TRMT61B: variants seen among roughly 807,000 people sequenced by gnomAD.
TRMT61B encodes the protein tRNA (adenine(58)-N(1))-methyltransferase, mitochondrial.
In TRMT61B, 56 loss-of-function variants were observed where a neutral mutation model predicts 52.0. The ratio of observed to expected loss-of-function variants is 1.08; its 90% CI spans 0.87 to 1.35. The LOEUF (loss-of-function observed/expected upper bound fraction) is 1.35. Ranked by LOEUF, TRMT61B falls within the 40% of genes most tolerant of loss-of-function variation. The pLI, the probability that TRMT61B is intolerant of heterozygous loss-of-function variation, is 0.00. For missense variants in TRMT61B, 650 were observed against 577.9 expected, an observed-to-expected ratio of 1.12 and a Z score of -1.28; for synonymous variants, 206 against 220.0, an observed-to-expected ratio of 0.94 and a Z score of 0.56.
chr2:28,850,208 T>A lies in TRMT61B; in HGVS notation c.1425A>T (p.Gln475His). ...FLVKLRKVKP[Q>H]LN ...CTGTCATCTGGAGTACTCAGTTAAG[T>A]TGTGGTTTGACCTTCCTCAACTTGA... Residue 475 changes from glutamine (Q) to histidine (H), a missense_variant, in exon 7 of 7, where the codon CAA becomes CAT. Gln to His is a conservative substitution (Grantham distance 24). Transcript: ENST00000306108. 6.2e-7 allele frequency: 1 copy of A among 1,611,942 alleles called. No individual in the cohort carries two copies. The highest frequency in any genetic ancestry group is 8.5e-7 in the Non-Finnish European group (1 of 1,179,046).
rs143187215 is a variant in TRMT61B, at chr2:28,869,780, T to C, written c.498A>G (p.Thr166=). 6.1e-5 allele frequency: 99 copies of C among 1,614,208 alleles called. 1 individual carries two copies. Among genetic ancestry groups the C allele is most frequent in the Admixed American group, 4.5e-4 (27 of 60,016 alleles). The change falls in exon 1 of 7, where the codon ACA becomes ACG. Residue 166 remains threonine (T), a synonymous_variant. Coordinates refer to ENST00000306108, the MANE Select transcript of TRMT61B (RefSeq NM_017910.4). ...TCAACCTAAATAATTTCTTAAATTT[T>C]GTTTCTCCCTCCCCAGTCTCAGCTA... ...LILAETGEGE[T]KFKKLFRLNN... is the part of the protein sequence containing the mutation.
Position 28,851,171 on chromosome 2 carries a change from A to T in TRMT61B, c.1213T>A (p.Leu405Ile). The T allele has an allele frequency of 6.2e-7, 1 of 1,613,472 alleles. No individual in the cohort carries two copies. The highest frequency in any genetic ancestry group is 8.5e-7 in the Non-Finnish European group (1 of 1,179,808). The change falls in exon 5 of 7, where the codon TTA becomes ATA. Residue 405 changes from leucine (L) to isoleucine (I), a missense_variant. Coordinates refer to ENST00000306108, the MANE Select transcript of TRMT61B (RefSeq NM_017910.4). Reference protein sequence around the residue: ...VCLAKQKNGILAQKVESKINT... With the variant: ...VCLAKQKNGIIAQKVESKINT... ...ATTTTAGATTCTACTTTTTGAGCTA[A>T]AATTCCATTTTTCTGTTTTGCAAGG...
chr2:28,856,337 G>C (rs1226131692), intron 3 of TRMT61B, among the ~76,000 whole-genome samples: 1 of 152,082 alleles, frequency 6.6e-6, no homozygotes, highest in East Asian at 1.9e-4. Flanking sequence ...CATTGACTTA[G>C]GTCAACACCT....
At position 28,865,136 on chromosome 2, in the gene TRMT61B, T is replaced by C; in HGVS notation, c.700-17A>G. On this transcript the variant is annotated splice_polypyrimidine_tract_variant and intron_variant, in intron 1 of 6. Coordinates refer to ENST00000306108, the MANE Select transcript of TRMT61B (RefSeq NM_017910.4). ...ATTAATATCCTATGATTGAAAACAGTATGGGTGACTCAGCGACCAATAAAT... is the reference window on the plus strand; with the variant it reads ...ATTAATATCCTATGATTGAAAACAGCATGGGTGACTCAGCGACCAATAAAT... 2 of 1,435,440 alleles carry C rather than the reference T, an allele frequency of 1.4e-6. No homozygotes were observed. Among genetic ancestry groups the C allele is most frequent in the East Asian group, 2.3e-5 (1 of 43,952 alleles). 88.9% of individuals were successfully genotyped at this position (1,435,440 alleles called of 1,614,324 possible).
At position 28,851,186 on chromosome 2, in the gene TRMT61B, G is replaced by C. The variant is rs762479835; in HGVS notation, c.1198C>G (p.Gln400Glu). ...VRDWLVCLAK[Q>E]KNGILAQKVE... The stretch of plus-strand genomic sequence containing the variant: ...TTTTGAGCTAAAATTCCATTTTTCT[G>C]TTTTGCAAGGCAAACCAACCAATCT... The change falls in exon 5 of 7, where the codon CAG becomes GAG. Residue 400 changes from glutamine (Q) to glutamate (E), a missense_variant. Transcript: ENST00000306108. 1.9e-6 allele frequency: 3 copies of C among 1,613,182 alleles called. No individual in the cohort carries two copies. Among genetic ancestry groups the C allele is most frequent in the Admixed American group, 1.7e-5 (1 of 59,878 alleles).
chr2:28,865,411 G>A (rs1669795470), intron 1 of TRMT61B, among the ~76,000 whole-genome samples: 1 of 152,122 alleles, frequency 6.6e-6, no homozygotes, highest in South Asian at 2.1e-4. Context: ...CAATCACAAG[G>A]TAAAAACAGC....
rs115667380 is a variant in TRMT61B at position 28,855,214 on chromosome 2, T to C, written c.994-2715A>G. Among the ~76,000 whole-genome samples the C allele has an allele frequency of 5.8e-3, 885 of 152,304 alleles. 8 individuals are homozygous for C. The highest frequency in any genetic ancestry group is 0.02 in the African/African-American group (837 of 41,552). ...TCGAAGGTGGTGGACACAGATTACA[T>C]AGAATCATGCAGGCTTTAGCTTTAC... is the stretch of plus-strand genomic sequence containing the variant. On this transcript the variant is annotated intron_variant, in intron 3 of 6. Transcript: ENST00000306108.
At chr2:28,863,646 AG>A (rs1669703316) in intron 2 of TRMT61B, among the ~76,000 whole-genome samples, 1 of 152,180 alleles carries the variant, frequency 6.6e-6, no homozygotes, top group Non-Finnish European at 1.5e-5. Flanking sequence ...CCGTGCAGTT[AG>A]GAATTTGTCA....
Position 28,870,292 on chromosome 2 carries a change from G to T in TRMT61B, c.-15C>A. ...GCCATTAGCATAGTGTTTCGCGAAG[G>T]CGCCGTCGCAGACGAGTGACGCAAG... On this transcript the variant is annotated 5_prime_UTR_variant, in exon 1 of 7. Transcript: ENST00000306108. The T allele has an allele frequency of 5.9e-6, 9 of 1,528,492 alleles. No homozygotes were observed. Among genetic ancestry groups the T allele is most frequent in the South Asian group, 1.2e-5 (1 of 80,500 alleles). The allele number at this position is 1,528,492 out of a possible 1,614,324, so 94.7% of individuals were successfully genotyped here. A position where few individuals can be genotyped will look rare whatever the true frequency, so the allele number is the denominator to read the frequency against.
chr2:28,861,888 C>T, intron 2 of TRMT61B: 1 of 152,058 alleles, frequency 6.6e-6, no homozygotes, highest in Admixed American at 6.6e-5. Flanking sequence ...AACTTATATG[C>T]CAACCAGCAA....
intron 2 of TRMT61B, among the ~76,000 whole-genome samples, chr2:28,862,952 G>A (rs1022442367): frequency 6.6e-6 from 1 of 151,480 alleles, no homozygotes; most frequent in Non-Finnish European, 1.5e-5. Flanking sequence ...TTCCAGAGAG[G>A]AGTACTACAT....
intron 3 of TRMT61B, among the ~76,000 whole-genome samples, chr2:28,856,738 G>A (rs896273159): frequency 6.6e-6 from 1 of 151,948 alleles, no homozygotes; most frequent in Non-Finnish European, 1.5e-5. Flanking sequence ...GGTTTCCAGA[G>A]ATTCTCTTGC....
At chr2:28,850,467 A>G in intron 5 of TRMT61B, 62 bp from the exon 6 acceptor site, 3 of 1,155,866 alleles carry the variant, frequency 2.6e-6, no homozygotes, top group Non-Finnish European at 3.7e-6. Context: ...TTTTCACAAA[A>G]CTGTTAAAAT....
chr2:28,867,350 C>T (rs1669894801), intron 1 of TRMT61B, among the ~76,000 whole-genome samples: 1 of 152,134 alleles, frequency 6.6e-6, no homozygotes, highest in African/African-American at 2.4e-5. Flanking sequence ...CTGCCTCAGC[C>T]TCCCAAAATA....
Position 28,849,949 on chromosome 2 carries a change from C to T in TRMT61B, c.*250G>A, listed in dbSNP as rs770714110. The T allele has an allele frequency of 1.9e-6, 3 of 1,555,892 alleles. No homozygotes were observed. The stretch of plus-strand genomic sequence containing the variant: ...ACAGGAAGTGAAGAATGAGATGGCC[C>T]AACTAAACCAATTTGGAATCATTAA... On this transcript the variant is annotated 3_prime_UTR_variant, in exon 7 of 7. Coordinates refer to ENST00000306108, the MANE Select transcript of TRMT61B (RefSeq NM_017910.4).
chr2:28,861,074 T>C (rs1416881344), intron 3 of TRMT61B, 44 bp downstream of exon 3: 4 of 1,499,618 alleles, frequency 2.7e-6, no homozygotes, highest in Non-Finnish European at 3.6e-6. Context: ...CCTATCTTCT[T>C]TATAGTCAAA....
chr2:28,864,014 A>T (rs1669723087), intron 2 of TRMT61B, among the ~76,000 whole-genome samples: 1 of 152,172 alleles, frequency 6.6e-6, no homozygotes, highest in Non-Finnish European at 1.5e-5. Context: ...TGGTAGGAAC[A>T]TGAAAAAATA....
rs1286838339 is a variant in TRMT61B, at chr2:28,870,294, G to A, written c.-17C>T. On this transcript the variant is annotated 5_prime_UTR_variant, in exon 1 of 7. Transcript: ENST00000306108. ...CATTAGCATAGTGTTTCGCGAAGGC[G>A]CCGTCGCAGACGAGTGACGCAAGCC... 3.3e-6 allele frequency: 5 copies of A among 1,524,668 alleles called. No homozygotes were observed. The South Asian group carries it at 5.0e-5, about 15-fold the overall frequency. The allele number at this position is 1,524,668 out of a possible 1,614,324, so 94.4% of individuals were successfully genotyped here. A position where few individuals can be genotyped will look rare whatever the true frequency, so the allele number is the denominator to read the frequency against.
chr2:28,869,627 T>C lies in TRMT61B; in HGVS notation c.651A>G (p.Glu217=), dbSNP rs1394541936. 2 of 1,614,112 alleles carry C rather than the reference T, an allele frequency of 1.2e-6. No homozygotes were observed. Among genetic ancestry groups the C allele is most frequent in the Admixed American group, 3.3e-5 (2 of 60,008 alleles). Residue 217 remains glutamate, a synonymous_variant, in exon 1 of 7, where the codon GAA becomes GAG. Coordinates refer to ENST00000306108, the MANE Select transcript of TRMT61B (RefSeq NM_017910.4). ...KQYMLRRPAL[E]DYVVLMKRGT... is the part of the protein sequence containing the mutation. ...CTCTTTTCATCAATACTACATAGTC[T>C]TCCAAGGCTGGCCTCCTCAGCATGT...
Sources: gnomAD v4.1 joint callset for allele counts (sites outside exome capture counted in the v4.1 genomes callset) on GRCh38, gnomAD v4.1.1 for gene constraint, MANE v1.5 for transcripts, NCBI Gene and HGNC (gene_info 2026-07-23, HGNC 2026-07-21) for gene names.